The following MLYCD variants were observed in gnomAD, a reference collection of about 807,000 sequenced individuals.
MLYCD encodes malonyl-CoA decarboxylase, also known as malonyl-CoA decarboxylase, mitochondrial.
A neutral mutation model predicts 35.8 loss-of-function variants in MLYCD; 27 were observed. That is an observed-to-expected ratio of 0.75 (90% CI 0.56 to 1.04). The LOEUF is 1.04. Ranked by LOEUF, MLYCD falls within the 50% of genes least tolerant of loss-of-function variation. MLYCD has a pLI of 0.00. For missense variants in MLYCD, 917 were observed against 665.1 expected (o/e 1.38, Z -4.17); for synonymous variants, 403 against 302.4 (o/e 1.33, Z -3.45).
chr16:83,903,621 G>C (rs1312334213), intron 1 of MLYCD, among the ~76,000 whole-genome samples: 2 of 152,196 alleles, frequency 1.3e-5, no homozygotes. Context: ...GGTCTAAACG[G>C]TGTCATACAA....
rs1567636818 is a variant in MLYCD, at chr16:83,914,966, C to T, written c.959C>T (p.Pro320Leu). The T allele has an allele frequency of 2.5e-6, 4 of 1,614,254 alleles. No individual in the cohort carries two copies. The highest frequency in any genetic ancestry group is 3.4e-6 in the Non-Finnish European group (4 of 1,180,050). The change falls in exon 5 of 5, where the codon CCT (proline) becomes CTT (leucine). Residue 320 changes from proline to leucine, a missense_variant. Coordinates refer to ENST00000262430, the MANE Select transcript of MLYCD (RefSeq NM_012213.3). The stretch of plus-strand genomic sequence containing the variant: ...AACCATGCTTTACAGAGAGAGTTTC[C>T]TCACCTTGGGGTGTTTTCAAGTCTG... The part of the protein sequence containing the change: ...RVVKELQREF[P>L]HLGVFSSLSP...
At position 83,919,042 on chromosome 16, in the gene MLYCD, G is replaced by C. The variant is rs995503946; in HGVS notation, c.*3553G>C. ...CAGTGCACAGGAGAACATACACGCA[G>C]TACACAGACACAGTGCACCGGAGAA... On this transcript the variant is annotated 3_prime_UTR_variant, in exon 5 of 5. Coordinates refer to ENST00000262430, the MANE Select transcript of MLYCD (RefSeq NM_012213.3). 1.5e-5 allele frequency: 2 copies of C among 133,312 alleles called. No homozygotes were observed. Among genetic ancestry groups the C allele is most frequent in the East Asian group, 5.0e-4 (2 of 4,024 alleles). The allele number at this position is 133,312 out of a possible 1,614,324, so 8.3% of individuals were successfully genotyped here. A position where few individuals can be genotyped will look rare whatever the true frequency, so the allele number is the denominator to read the frequency against.
chr16:83,899,633 G>T lies in MLYCD; in HGVS notation c.489G>T (p.Glu163Asp). The T allele has an allele frequency of 6.4e-7, 1 of 1,559,324 alleles. No homozygotes were observed. Among genetic ancestry groups the T allele is most frequent in the Non-Finnish European group, 8.6e-7 (1 of 1,161,424 alleles). ...TGCAGCTGCGGGCCGACCTGCTGGA[G>T]GCGCAGGCCCTCAAGCTGGTGGAGG... is the stretch of plus-strand genomic sequence containing the variant. ...FLVQLRADLLEAQALKLVEGP... is the reference protein window; with the variant it reads ...FLVQLRADLLDAQALKLVEGP... The change falls in exon 1 of 5, where the codon GAG becomes GAT. Residue 163 changes from glutamate to aspartate, a missense_variant. Physicochemically the swap from Glu to Asp is conservative, Grantham distance 45. Transcript: ENST00000262430.
Position 83,899,606 on chromosome 16 carries a change from G to A in MLYCD, c.462G>A (p.Leu154=), listed in dbSNP as rs754508753. The A allele has an allele frequency of 9.5e-6, 15 of 1,582,506 alleles. No individual in the cohort carries two copies. The highest frequency in any genetic ancestry group is 4.0e-5 in the African/African-American group (3 of 74,154). ...ISKLDGGVRF[L]VQLRADLLEA... is the part of the protein sequence containing the mutation. ...AGCTGGACGGCGGCGTGCGCTTCCT[G>A]GTGCAGCTGCGGGCCGACCTGCTGG... The change falls in exon 1 of 5, where the codon CTG becomes CTA. Residue 154 remains leucine (L), a synonymous_variant. Transcript: ENST00000262430.
chr16:83,905,770 T>G (rs1028741548), intron 1 of MLYCD, among the ~76,000 whole-genome samples: 18 of 152,176 alleles, frequency 1.2e-4, no homozygotes, highest in African/African-American at 4.3e-4. Flanking sequence ...GCAATCTTTG[T>G]TCTGGACAGC....
rs757910788 is a variant in MLYCD, at chr16:83,915,247, T to A, written c.1240T>A (p.Tyr414Asn). The A allele has an allele frequency of 3.7e-6, 6 of 1,612,948 alleles. No individual in the cohort carries two copies. The African/African-American group carries it at 8.0e-5, about 22-fold the overall frequency. Residue 414 changes from tyrosine (Y) to asparagine (N), a missense_variant, in exon 5 of 5, where the codon TAC becomes AAC. Transcript: ENST00000262430. ...WYLYGEKHRG[Y>N]ALNPVANFHL... ...CCTGTATGGAGAGAAGCACCGCGGC[T>A]ACGCGCTGAACCCCGTGGCCAACTT...
chr16:83,902,152 T>C (rs200477794), intron 1 of MLYCD, among the ~76,000 whole-genome samples: 9,650 of 107,798 alleles, frequency 0.09, 492 homozygotes, highest in East Asian at 0.17. Context: ...TGTGTGTGCG[T>C]GCGTATATAT....
In MLYCD at chr16:83,917,673, A is replaced by C. The variant is rs985338065; in HGVS notation, c.*2184A>C. On this transcript the variant is annotated 3_prime_UTR_variant, in exon 5 of 5. Transcript: ENST00000262430. ...CAACCTGCCCGCCCTTCTTGCGGGC[A>C]GAGTTCTTTACCGTAAGCGTCCCCA... is the stretch of plus-strand genomic sequence containing the variant. 2.0e-5 allele frequency: 3 copies of C among 152,260 alleles called. No homozygotes were observed. Among genetic ancestry groups the C allele is most frequent in the African/African-American group, 7.2e-5 (3 of 41,478 alleles). 9.4% of individuals were successfully genotyped at this position (152,260 alleles called of 1,614,324 possible). A position where few individuals can be genotyped will look rare whatever the true frequency, so the allele number is the denominator to read the frequency against.
At chr16:83,901,178 T>C (rs1004556672) in intron 1 of MLYCD, among the ~76,000 whole-genome samples, 45 of 152,222 alleles carry the variant, frequency 3.0e-4, no homozygotes, top group African/African-American at 1.1e-3. Context: ...GCTAATTGCA[T>C]GACACAGAAT....
rs3815810 is a variant in MLYCD, at chr16:83,907,291, C to A, written c.641+192C>A. On this transcript the variant is annotated intron_variant, in intron 2 of 4. Transcript: ENST00000262430. ...ATGATACTAAGATTATGGAGGAAGA[C>A]GAAAGGGCACCAAGAGAAACTGATA... 0.073 allele frequency among the ~76,000 whole-genome samples: 11,129 copies of A among 152,104 alleles called. 489 individuals are homozygous for A. Among genetic ancestry groups the A allele is most frequent in the East Asian group, 0.11 (580 of 5,172 alleles).
rs1468334078 is a variant in MLYCD, at chr16:83,899,151, G to C, written c.7G>C (p.Gly3Arg). Residue 3 changes from glycine to arginine, a missense_variant, in exon 1 of 5, where the codon GGC becomes CGC. Physicochemically the swap from Gly to Arg is moderately radical, Grantham distance 125. Coordinates refer to ENST00000262430, the MANE Select transcript of MLYCD (RefSeq NM_012213.3). ...GCAGCTGTTGTGGGGCACCATGCGA[G>C]GCTTCGGGCCAGGCTTGACGGCCAG... MR[G>R]FGPGLTARRL... The C allele has an allele frequency of 3.5e-6, 4 of 1,144,862 alleles. No individual in the cohort carries two copies. Among genetic ancestry groups the C allele is most frequent in the African/African-American group, 1.6e-5 (1 of 60,624 alleles). The allele number at this position is 1,144,862 out of a possible 1,614,324, so 70.9% of individuals were successfully genotyped here.
rs1009952315 is a variant in MLYCD, at chr16:83,924,667, G to T, written c.*9178G>T. The T allele has an allele frequency of 4.6e-5, 7 of 152,314 alleles. No homozygotes were observed. The highest frequency in any genetic ancestry group is 3.3e-4 in the Admixed American group (5 of 15,304). The allele number at this position is 152,314 out of a possible 1,614,324, so 9.4% of individuals were successfully genotyped here. A position where few individuals can be genotyped will look rare whatever the true frequency, so the allele number is the denominator to read the frequency against. On this transcript the variant is annotated 3_prime_UTR_variant, in exon 5 of 5. Transcript: ENST00000262430. ...AGAAGACCAGAGAGCTGCCTTCAAA[G>T]ATGCCAGAGCCATGTTTATTTAAGC...
rs565678162 is a variant in MLYCD, at chr16:83,902,907, G to C, written c.528+3235G>C. ...CCTCCTGAATGTAGAGGAGTTTGGAGGTATGTGTGTCCCTGTGGTTGCATG... is the reference window on the plus strand; with the variant it reads ...CCTCCTGAATGTAGAGGAGTTTGGACGTATGTGTGTCCCTGTGGTTGCATG... On this transcript the variant is annotated intron_variant, in intron 1 of 4. Transcript: ENST00000262430. 7.2e-5 allele frequency among the ~76,000 whole-genome samples: 11 copies of C among 152,282 alleles called. No homozygotes were observed. In the South Asian group the frequency reaches 1.0e-3, roughly 14 times the overall value.
At chr16:83,907,895 A>G (rs1907038048) in intron 2 of MLYCD, among the ~76,000 whole-genome samples, 1 of 152,052 alleles carries the variant, frequency 6.6e-6, no homozygotes, top group African/African-American at 2.4e-5. Flanking sequence ...TCCTTTTAAA[A>G]CTGGGGTTAA....
At chr16:83,914,464 G>A (rs964183230) in intron 4 of MLYCD, 7 of 228,300 alleles carry the variant, frequency 3.1e-5, no homozygotes, top group Middle Eastern at 1.7e-3. Context: ...GCAGTGCACC[G>A]AGCCCCACTC....
chr16:83,899,717 C>T (rs577091442), intron 1 of MLYCD, 45 bp downstream of exon 1: 42 of 1,479,726 alleles, frequency 2.8e-5, no homozygotes, highest in Middle Eastern at 2.4e-4. Context: ...ACTGGCCGCC[C>T]TCCTCGAGTA....
At position 83,923,761 on chromosome 16, in the gene MLYCD, C is replaced by T. The variant is rs1907722866; in HGVS notation, c.*8272C>T. Reference sequence around the variant, plus strand: ...CCCGACCACCACCCAGCTCTCCTTCCACCGCACTGGTCCACCTCCTGACCG... The same window carrying T: ...CCCGACCACCACCCAGCTCTCCTTCTACCGCACTGGTCCACCTCCTGACCG... On this transcript the variant is annotated 3_prime_UTR_variant, in exon 5 of 5. Coordinates refer to ENST00000262430, the MANE Select transcript of MLYCD (RefSeq NM_012213.3). 6.6e-6 allele frequency: 1 copy of T among 152,446 alleles called. No homozygotes were observed. The highest frequency in any genetic ancestry group is 2.4e-5 in the African/African-American group (1 of 41,472). 9.4% of individuals were successfully genotyped at this position (152,446 alleles called of 1,614,324 possible).
Position 83,916,021 on chromosome 16 carries a change from G to C in MLYCD, c.*532G>C. 4.0e-6 allele frequency: 4 copies of C among 1,005,054 alleles called. No individual in the cohort carries two copies. The highest frequency in any genetic ancestry group is 4.8e-6 in the Non-Finnish European group (4 of 839,972). 62.3% of individuals were successfully genotyped at this position (1,005,054 alleles called of 1,614,324 possible). A position where few individuals can be genotyped will look rare whatever the true frequency, so the allele number is the denominator to read the frequency against. On this transcript the variant is annotated 3_prime_UTR_variant, in exon 5 of 5. Transcript: ENST00000262430. Reference sequence around the variant, plus strand: ...TCTGAAGCTCATAAATGTATGAGAAGGTTTGTGATTTTGCACAAGGTGTGT... The same window carrying C: ...TCTGAAGCTCATAAATGTATGAGAACGTTTGTGATTTTGCACAAGGTGTGT...
chr16:83,903,092 G>C (rs78557513), intron 1 of MLYCD, among the ~76,000 whole-genome samples: 81 of 152,288 alleles, frequency 5.3e-4, no homozygotes, highest in Admixed American at 9.2e-4. Flanking sequence ...GTCTGAGCGA[G>C]GTTCAGTGAT....
Sources: allele counts gnomAD v4.1 joint callset (sites outside exome capture counted in the v4.1 genomes callset), GRCh38; gene constraint gnomAD v4.1.1; transcripts MANE v1.5; gene names NCBI Gene and HGNC (gene_info 2026-07-23, HGNC 2026-07-21).